The following SPIRE1 variants were observed in gnomAD, a reference collection of about 807,000 sequenced individuals.
SPIRE1 encodes the protein spire type actin nucleation factor 1, also known as protein spire homolog 1.
A neutral mutation model predicts 94.1 loss-of-function variants in SPIRE1; 40 were observed. That is an observed-to-expected ratio of 0.43 (90% CI 0.33 to 0.55). The LOEUF (loss-of-function observed/expected upper bound fraction) is 0.55. Ranked by LOEUF, SPIRE1 falls within the 20% of genes least tolerant of loss-of-function variation. SPIRE1 has a pLI of 0.06. For synonymous variants in SPIRE1, 376 were observed against 371.7 expected (o/e 1.01, Z -0.13); for missense variants, 838 against 975.2 (o/e 0.86, Z 1.87).
chr18:12,577,987 G>GCA (rs2036155759), intron 2 of SPIRE1, among the ~76,000 whole-genome samples: 3 of 152,250 alleles, frequency 2.0e-5, no homozygotes, highest in South Asian at 4.1e-4. Flanking sequence ...TCAGGGAAAA[G>GCA]CACATTACAA....
At chr18:12,532,300 T>A (rs922937675) in intron 4 of SPIRE1, among the ~76,000 whole-genome samples, 1 of 152,216 alleles carries the variant, frequency 6.6e-6, no homozygotes, top group Non-Finnish European at 1.5e-5. Context: ...ACAGAACAAG[T>A]ATAACATTGG....
At chr18:12,645,698 A>G (rs2038205654) in intron 1 of SPIRE1, among the ~76,000 whole-genome samples, 1 of 152,148 alleles carries the variant, frequency 6.6e-6, no homozygotes, top group Non-Finnish European at 1.5e-5. Flanking sequence ...AATTCAATAC[A>G]TCTACAAAGC....
At chr18:12,619,914 TA>T (rs556321442) in intron 2 of SPIRE1, among the ~76,000 whole-genome samples, 61 of 151,648 alleles carry the variant, frequency 4.0e-4, no homozygotes, top group African/African-American at 1.5e-3. Flanking sequence ...ATGGTATCTC[TA>T]TTCACAGATG....
intron 12 of SPIRE1, 129 bp from the exon 13 acceptor site, chr18:12,454,612 G>A (rs1329781918): frequency 2.6e-6 from 2 of 775,480 alleles, no homozygotes; most frequent in African/African-American, 3.7e-5. Context: ...TGACCACTGG[G>A]GCAGAGCTGG....
chr18:12,452,201 A>G, intron 16 of SPIRE1, 54 bp downstream of exon 16: 1 of 1,609,278 alleles, frequency 6.2e-7, no homozygotes, highest in African/African-American at 1.3e-5. Flanking sequence ...AGTCCTCAAG[A>G]GTAGAACTCT....
At chr18:12,630,718 G>A (rs1393890958) in intron 2 of SPIRE1, among the ~76,000 whole-genome samples, 1 of 152,066 alleles carries the variant, frequency 6.6e-6, no homozygotes, top group Non-Finnish European at 1.5e-5. Context: ...GCAGAGAAGC[G>A]AGAAGGAAAG....
chr18:12,556,958 T>G (rs972182587), intron 2 of SPIRE1, among the ~76,000 whole-genome samples: 9 of 152,194 alleles, frequency 5.9e-5, no homozygotes, highest in African/African-American at 2.2e-4. Context: ...GAGAGCTGAT[T>G]GGTCCATTTT....
At chr18:12,630,260 TA>T (rs1433934130) in intron 2 of SPIRE1, among the ~76,000 whole-genome samples, 1 of 152,228 alleles carries the variant, frequency 6.6e-6, no homozygotes, top group Non-Finnish European at 1.5e-5. Context: ...AAGCCTTGCT[TA>T]AGAAGGACTT....
rs1440937464 is a variant in SPIRE1 at position 12,599,436 on chromosome 18, A to AT, written c.372+35625_372+35626insA. On this transcript the variant is annotated intron_variant, in intron 2 of 16. Transcript: ENST00000409402. ...CCACTACACCTGGCTAATTTAAAAAAATTTTTTTATAGAGATGGCATCTCG... is the reference window on the plus strand; with the variant it reads ...CCACTACACCTGGCTAATTTAAAAAATATTTTTTTATAGAGATGGCATCTCG... 3.3e-5 allele frequency among the ~76,000 whole-genome samples: 5 copies of AT among 152,070 alleles called. No individual in the cohort carries two copies. The East Asian group carries it at 9.6e-4, about 29-fold the overall frequency.
chr18:12,459,796 G>C (rs1179209691), intron 12 of SPIRE1: 1 of 985,826 alleles, frequency 1.0e-6, no homozygotes. Context: ...CTCTCACACA[G>C]ATAATACATA....
At chr18:12,599,727 T>G (rs562660051) in intron 2 of SPIRE1, among the ~76,000 whole-genome samples, 1 of 152,322 alleles carries the variant, frequency 6.6e-6, no homozygotes, top group Admixed American at 6.5e-5. Flanking sequence ...TACATGACCC[T>G]TTCAGTGAGT....
At chr18:12,636,049 T>C (rs1213876501) in intron 1 of SPIRE1, among the ~76,000 whole-genome samples, 2 of 152,046 alleles carry the variant, frequency 1.3e-5, no homozygotes, top group Non-Finnish European at 2.9e-5. Context: ...CCCACCACCA[T>C]GCCCAGCTAA....
chr18:12,496,406 A>C (rs2033458931), intron 6 of SPIRE1, among the ~76,000 whole-genome samples: 1 of 152,226 alleles, frequency 6.6e-6, no homozygotes, highest in African/African-American at 2.4e-5. Context: ...ATGATTTAAA[A>C]AACTTTTTAC....
chr18:12,524,952 A>G (rs1043885764), intron 4 of SPIRE1, among the ~76,000 whole-genome samples: 1 of 151,996 alleles, frequency 6.6e-6, no homozygotes, highest in Non-Finnish European at 1.5e-5. Flanking sequence ...CCTGGGCAGC[A>G]GAGTGAGACC....
chr18:12,504,569 T>C (rs1251163414), intron 6 of SPIRE1, among the ~76,000 whole-genome samples: 1 of 152,160 alleles, frequency 6.6e-6, no homozygotes, highest in African/African-American at 2.4e-5. Context: ...AAAATAACTT[T>C]GATTAAATTT....
intron 2 of SPIRE1, among the ~76,000 whole-genome samples, chr18:12,569,698 C>G (rs1216140568): frequency 6.6e-6 from 1 of 151,920 alleles, no homozygotes; most frequent in Non-Finnish European, 1.5e-5. Flanking sequence ...AGTTACTAGT[C>G]TCAAGGCAGG....
At chr18:12,594,238 A>C (rs1450457590) in intron 2 of SPIRE1, among the ~76,000 whole-genome samples, 1 of 152,170 alleles carries the variant, frequency 6.6e-6, no homozygotes, top group Non-Finnish European at 1.5e-5. Context: ...AATACCACCA[A>C]AGTAAAGACT....
In SPIRE1 at chr18:12,486,003, GA is replaced by G; in HGVS notation, c.1190-4del. The stretch of plus-strand genomic sequence containing the variant: ...AGACATGCTAAGTGGCCGCATTGCT[GA>G]AAAAAAGAAAACAAACAATAAAAAG... On this transcript the variant is annotated splice_region_variant and splice_polypyrimidine_tract_variant and intron_variant, in intron 8 of 16. Transcript: ENST00000409402. 2 of 1,514,158 alleles carry G rather than the reference GA, an allele frequency of 1.3e-6. No individual in the cohort carries two copies. The highest frequency in any genetic ancestry group is 1.3e-5 in the South Asian group (1 of 77,836). 93.8% of individuals were successfully genotyped at this position (1,514,158 alleles called of 1,614,324 possible). A position where few individuals can be genotyped will look rare whatever the true frequency, so the allele number is the denominator to read the frequency against.
At position 12,615,745 on chromosome 18, in the gene SPIRE1, C is replaced by T. The variant is rs58135011; in HGVS notation, c.372+19317G>A. Among the ~76,000 whole-genome samples, 346 of 151,840 alleles carry T rather than the reference C, an allele frequency of 2.3e-3. 2 individuals are homozygous for T. Among genetic ancestry groups the T allele is most frequent in the African/African-American group, 8.0e-3 (330 of 41,462 alleles). On this transcript the variant is annotated intron_variant, in intron 2 of 16. Coordinates refer to ENST00000409402, the MANE Select transcript of SPIRE1 (RefSeq NM_001128626.2). ...GCTAATGCCAAATAAATCAATTGTACACAAACCAAATTATTTCTGTGTTTT... is the reference window on the plus strand; with the variant it reads ...GCTAATGCCAAATAAATCAATTGTATACAAACCAAATTATTTCTGTGTTTT...
Sources: allele counts gnomAD v4.1 joint callset (sites outside exome capture counted in the v4.1 genomes callset), GRCh38; gene constraint gnomAD v4.1.1; transcripts MANE v1.5; gene names NCBI Gene and HGNC (gene_info 2026-07-23, HGNC 2026-07-21).